Variants in ANKK1 observed in about 807,000 individuals in gnomAD.
The protein encoded by ANKK1 is ankyrin repeat and kinase domain containing 1, also known as ankyrin repeat and protein kinase domain-containing protein 1.
A neutral mutation model predicts 37.6 loss-of-function variants in ANKK1; 37 were observed. That is an observed-to-expected ratio of 0.98 (90% confidence interval 0.76 to 1.29). The LOEUF (loss-of-function observed/expected upper bound fraction) is 1.29. Among genes scored for constraint, ANKK1 ranks in the 50% most tolerant of loss-of-function variants. ANKK1 has a pLI of 0.00. For missense variants in ANKK1, 1,019 were observed against 990.6 expected, an observed-to-expected ratio of 1.03 and a Z score of -0.39; for synonymous variants, 415 against 418.7, an observed-to-expected ratio of 0.99 and a Z score of 0.11.
rs199896606 is a variant in ANKK1 at position 113,399,442 on chromosome 11, G to C, written c.1473G>C (p.Glu491Asp). Residue 491 changes from glutamate (E) to aspartate (D), a missense_variant, in exon 8 of 8, where the codon GAG (glutamate) becomes GAC (aspartate). Coordinates refer to ENST00000303941, the MANE Select transcript of ANKK1 (RefSeq NM_178510.2). ...VSRQADPNLH[E>D]AEGKTPLHVA... ...GTCAGGCTGACCCCAACCTGCATGA[G>C]GCTGAGGGCAAGACCCCCCTCCATG... The C allele has an allele frequency of 2.8e-5, 45 of 1,596,578 alleles. No homozygotes were observed. The highest frequency in any genetic ancestry group is 3.8e-5 in the Non-Finnish European group (44 of 1,171,858).
chr11:113,395,462 C>G (rs1950630367), intron 4 of ANKK1, 54 bp downstream of exon 4: 6 of 1,587,074 alleles, frequency 3.8e-6, no homozygotes, highest in Middle Eastern at 3.3e-4. Context: ...CTGGGATGGG[C>G]TCCTGGAAGG....
chr11:113,397,480 T>A lies in ANKK1; in HGVS notation c.957+138T>A, dbSNP rs567327813. 2.1e-5 allele frequency: 14 copies of A among 678,928 alleles called. No individual in the cohort carries two copies. The East Asian group carries it at 3.8e-4, about 18-fold the overall frequency. The allele number at this position is 678,928 out of a possible 1,614,324, so 42.1% of individuals were successfully genotyped here. Reference sequence around the variant, plus strand: ...CCACCTCCATCCAGAGGGGACACATTTCCCTAATTTGCATGAAGGTACTCC... The same window carrying A: ...CCACCTCCATCCAGAGGGGACACATATCCCTAATTTGCATGAAGGTACTCC... On this transcript the variant is annotated intron_variant, in intron 6 of 7. Coordinates refer to ENST00000303941, the MANE Select transcript of ANKK1 (RefSeq NM_178510.2).
chr11:113,394,830 C>A, intron 2 of ANKK1, 99 bp from the exon 3 acceptor site: 1 of 1,507,716 alleles, frequency 6.6e-7, no homozygotes, highest in Non-Finnish European at 9.1e-7. Context: ...CACTACTCTA[C>A]CCTGGAACAG....
intron 6 of ANKK1, 119 bp from the exon 7 acceptor site, chr11:113,397,861 G>A: frequency 9.1e-7 from 1 of 1,100,806 alleles, no homozygotes; most frequent in Non-Finnish European, 1.4e-6. Flanking sequence ...CCCAGGATAG[G>A]GTGGGATGTG....
chr11:113,393,669 A>C lies in ANKK1; in HGVS notation c.374A>C (p.His125Pro). 3 of 1,613,952 alleles carry C rather than the reference A, an allele frequency of 1.9e-6. No individual in the cohort carries two copies. The highest frequency in any genetic ancestry group is 2.5e-6 in the Non-Finnish European group (3 of 1,179,860). The change falls in exon 2 of 8, where the codon CAT becomes CCT. Residue 125 changes from histidine to proline, a missense_variant. Physicochemically the swap from His to Pro is moderately conservative, Grantham distance 77. Transcript: ENST00000303941. The part of the protein sequence containing the change: ...LCWKLRFRII[H>P]ETSLAMNFLH... Reference sequence around the variant, plus strand: ...TGGAAGCTCAGGTTCCGCATCATCCATGAGACCAGCTTGGCCATGAACTTC... The same window carrying C: ...TGGAAGCTCAGGTTCCGCATCATCCCTGAGACCAGCTTGGCCATGAACTTC...
Position 113,393,593 on chromosome 11 carries a change from T to G in ANKK1, c.298T>G (p.Phe100Val). The G allele has an allele frequency of 6.2e-7, 1 of 1,613,796 alleles. No individual in the cohort carries two copies. Among genetic ancestry groups the G allele is most frequent in the Non-Finnish European group, 8.5e-7 (1 of 1,179,834 alleles). Residue 100 changes from phenylalanine (F) to valine (V), a missense_variant, in exon 2 of 8, where the codon TTT becomes GTT. Transcript: ENST00000303941. ...CKQPLGIVME[F>V]MANGSLEKVL... ...GCAGCCCCTGGGTATTGTGATGGAG[T>G]TTATGGCCAACGGCTCCCTGGAGAA...
intron 7 of ANKK1, 142 bp downstream of exon 7, chr11:113,398,158 A>G: frequency 1.0e-6 from 1 of 959,566 alleles, no homozygotes; most frequent in Non-Finnish European, 1.6e-6. Context: ...CTTTTCCAGC[A>G]CCCAGCTGCA....
At chr11:113,391,945 C>G (rs1447936791) in intron 1 of ANKK1, among the ~76,000 whole-genome samples, 1 of 152,126 alleles carries the variant, frequency 6.6e-6, no homozygotes, top group Non-Finnish European at 1.5e-5. Flanking sequence ...AGTCAGAGAT[C>G]TGAACTATAC....
intron 6 of ANKK1, 148 bp downstream of exon 6, chr11:113,397,490 T>C (rs1950649033): frequency 3.1e-6 from 2 of 651,792 alleles, no homozygotes; most frequent in African/African-American, 3.6e-5. Context: ...TTCCCTAATT[T>C]GCATGAAGGT....
In ANKK1 at chr11:113,393,567, A is replaced by G. The variant is rs755794208; in HGVS notation, c.272A>G (p.Lys91Arg). 7 of 1,613,924 alleles carry G rather than the reference A, an allele frequency of 4.3e-6. No individual in the cohort carries two copies. In the South Asian group the frequency reaches 4.4e-5, roughly 10 times the overall value. The change falls in exon 2 of 8, where the codon AAG (lysine) becomes AGG (arginine). Residue 91 changes from lysine (K) to arginine (R), a missense_variant. Coordinates refer to ENST00000303941, the MANE Select transcript of ANKK1 (RefSeq NM_178510.2). ...ATCGTGTCTATCTACGGGGTGTGCA[A>G]GCAGCCCCTGGGTATTGTGATGGAG... ...QHIVSIYGVC[K>R]QPLGIVMEFM...
chr11:113,399,647 G>A lies in ANKK1; in HGVS notation c.1678G>A (p.Gly560Ser), dbSNP rs147474296. 3.1e-4 allele frequency: 493 copies of A among 1,605,154 alleles called. 1 individual carries two copies. The East Asian group carries it at 8.7e-3, about 28-fold the overall frequency. ...GAVPDALDQS[G>S]YGPLHTAAAR... ...GGTCCCTGATGCCCTTGACCAGAGC[G>A]GCTACGGCCCACTGCACACTGCAGC... The change falls in exon 8 of 8, where the codon GGC becomes AGC. Residue 560 changes from glycine (G) to serine (S), a missense_variant. Coordinates refer to ENST00000303941, the MANE Select transcript of ANKK1 (RefSeq NM_178510.2).
chr11:113,388,000 C>G lies in ANKK1; in HGVS notation c.116C>G (p.Ala39Gly). ...ASGGFSQVFQ[A>G]RHRRWRTEYA... Reference sequence around the variant, plus strand: ...GGCGGCTTCAGCCAGGTGTTCCAGGCGCGGCACAGGCGCTGGCGGACGGAG... The same window carrying G: ...GGCGGCTTCAGCCAGGTGTTCCAGGGGCGGCACAGGCGCTGGCGGACGGAG... The change falls in exon 1 of 8, where the codon GCG becomes GGG. Residue 39 changes from alanine to glycine, a missense_variant. Coordinates refer to ENST00000303941, the MANE Select transcript of ANKK1 (RefSeq NM_178510.2). 1.3e-6 allele frequency: 2 copies of G among 1,570,386 alleles called. No homozygotes were observed. Among genetic ancestry groups the G allele is most frequent in the East Asian group, 2.3e-5 (1 of 42,738 alleles).
chr11:113,398,999 T>C lies in ANKK1; in HGVS notation c.1030T>C (p.Ser344Pro), dbSNP rs1239090579. 6.3e-7 allele frequency: 1 copy of C among 1,592,614 alleles called. No individual in the cohort carries two copies. The highest frequency in any genetic ancestry group is 1.7e-4 in the Middle Eastern group (1 of 6,044). Residue 344 changes from serine to proline, a missense_variant, in exon 8 of 8, where the codon TCC (serine) becomes CCC (proline). Coordinates refer to ENST00000303941, the MANE Select transcript of ANKK1 (RefSeq NM_178510.2). ...CTACCTGAAGCGGGCCCTTCAGCTC[T>C]CCGACCGTAAGAATTTGGTCCCGAG... ...GNYLKRALQL[S>P]DRKNLVPRDE...
chr11:113,388,932 A>G (rs4938012), intron 1 of ANKK1, among the ~76,000 whole-genome samples: 104,046 of 151,788 alleles, frequency 0.69, 36,068 homozygotes, highest in African/African-American at 0.78. Context: ...AGAGTCCGGG[A>G]CGGGGGTCTC....
Position 113,398,965 on chromosome 11 carries a change from C to T in ANKK1, c.996C>T (p.Asp332=). 1.3e-6 allele frequency: 2 copies of T among 1,568,718 alleles called. No individual in the cohort carries two copies. ...TCAACCCCATCTTTCTCCCAGCAGA[C>T]TCAGGAAACTACCTGAAGCGGGCCC... ...EDISQELMDS[D]SGNYLKRALQ... is the part of the protein sequence containing the mutation. The change falls in exon 8 of 8, where the codon GAC becomes GAT. Residue 332 remains aspartate, a splice_region_variant and synonymous_variant. Transcript: ENST00000303941.
At position 113,400,042 on chromosome 11, in the gene ANKK1, G is replaced by T. The variant is rs200344768; in HGVS notation, c.2073G>T (p.Val691=). 12 of 1,613,370 alleles carry T rather than the reference G, an allele frequency of 7.4e-6. No individual in the cohort carries two copies. Among genetic ancestry groups the T allele is most frequent in the Admixed American group, 1.7e-5 (1 of 60,014 alleles). Residue 691 remains valine, a synonymous_variant, in exon 8 of 8, where the codon GTG becomes GTT. Coordinates refer to ENST00000303941, the MANE Select transcript of ANKK1 (RefSeq NM_178510.2). ...CAAATGTCCACGCCCGCAACAAGGT[G>T]GGCTGGACACCCGCCCACCTGGCCG... ...HHANVHARNK[V]GWTPAHLAAL...
At chr11:113,393,427 G>A (rs1249859900) in intron 1 of ANKK1, 54 bp from the exon 2 acceptor site, 5 of 1,540,910 alleles carry the variant, frequency 3.2e-6, no homozygotes, top group Non-Finnish European at 3.5e-6. Flanking sequence ...TCAGCTGGTT[G>A]CTGTAGTAAT....
chr11:113,399,621 C>T lies in ANKK1; in HGVS notation c.1652C>T (p.Ala551Val), dbSNP rs751344795. Residue 551 changes from alanine (A) to valine (V), a missense_variant, in exon 8 of 8, where the codon GCG becomes GTG. Ala to Val is a moderately conservative substitution (Grantham distance 64). Coordinates refer to ENST00000303941, the MANE Select transcript of ANKK1 (RefSeq NM_178510.2). ...ATCCAACACCTGCTGAAGAGTGGAG[C>T]GGTCCCTGATGCCCTTGACCAGAGC... ...RAIQHLLKSG[A>V]VPDALDQSGY... 1.1e-5 allele frequency: 18 copies of T among 1,606,368 alleles called. No individual in the cohort carries two copies. The highest frequency in any genetic ancestry group is 5.1e-5 in the Admixed American group (3 of 59,138).
rs2734849 is a variant in ANKK1, at chr11:113,399,438, A to G, written c.1469A>G (p.His490Arg). The G allele has an allele frequency of 0.46, 730,341 of 1,596,064 alleles. 177,903 individuals carry two copies. Among genetic ancestry groups the G allele is most frequent in the Non-Finnish European group, 0.51 (595,153 of 1,171,460 alleles). ...TCCCGTCAGGCTGACCCCAACCTGC[A>G]TGAGGCTGAGGGCAAGACCCCCCTC... The part of the protein sequence containing the change: ...LVSRQADPNL[H>R]EAEGKTPLHV... Residue 490 changes from histidine (H) to arginine (R), a missense_variant, in exon 8 of 8, where the codon CAT becomes CGT. Coordinates refer to ENST00000303941, the MANE Select transcript of ANKK1 (RefSeq NM_178510.2).
Sources: allele counts gnomAD v4.1 joint callset (sites outside exome capture counted in the v4.1 genomes callset), GRCh38; gene constraint gnomAD v4.1.1; transcripts MANE v1.5; gene names NCBI Gene and HGNC (gene_info 2026-07-23, HGNC 2026-07-21).